Variants in SPPL3 observed in about 807,000 individuals in gnomAD.
SPPL3 encodes signal peptide peptidase like 3.
SPPL3 carries 5 observed loss-of-function variants against 42.4 expected under a neutral mutation model. That is an observed-to-expected ratio of 0.12 (90% CI 0.06 to 0.25). SPPL3 has a LOEUF of 0.25. Among genes scored for constraint, SPPL3 ranks in the 10% least tolerant of loss-of-function variants. SPPL3 has a pLI of 1.00. For synonymous variants in SPPL3, 195 were observed against 181.8 expected (o/e 1.07, Z -0.58); for missense variants, 235 against 489.0 (o/e 0.48, Z 4.90).
chr12:120,771,080 C>G (rs1592953895), intron 6 of SPPL3, among the ~76,000 whole-genome samples: 1 of 152,338 alleles, frequency 6.6e-6, no homozygotes, highest in Admixed American at 6.5e-5. Flanking sequence ...TGACCTCCTC[C>G]CTGGCCTCTC....
At chr12:120,795,191 T>C (rs1870057714) in intron 2 of SPPL3, among the ~76,000 whole-genome samples, 1 of 152,208 alleles carries the variant, frequency 6.6e-6, no homozygotes. Flanking sequence ...AATCAATCCT[T>C]CTGCTTCAAC....
At chr12:120,833,776 TGTGTGTGTGTGTG>T (rs1871517046) in intron 1 of SPPL3, among the ~76,000 whole-genome samples, 1 of 70,146 alleles carries the variant, frequency 1.4e-5, no homozygotes, top group Non-Finnish European at 4.2e-5. Flanking sequence ...AGTGTGTGTG[TGTGTGTGTGTGTG>T]TGTGTGTGTG....
chr12:120,828,792 T>A (rs1871304319), intron 1 of SPPL3, among the ~76,000 whole-genome samples: 1 of 152,254 alleles, frequency 6.6e-6, no homozygotes, highest in Non-Finnish European at 1.5e-5. Flanking sequence ...AGTCTTGCTC[T>A]GTTGCCTAGG....
At chr12:120,780,832 T>G (rs1002364962) in intron 6 of SPPL3, among the ~76,000 whole-genome samples, 2 of 150,926 alleles carry the variant, frequency 1.3e-5, no homozygotes, top group Non-Finnish European at 2.9e-5. Flanking sequence ...ATAGTTGGAA[T>G]CCGGGAGACG....
chr12:120,781,838 T>C (rs927158468), intron 6 of SPPL3, among the ~76,000 whole-genome samples: 1 of 152,116 alleles, frequency 6.6e-6, no homozygotes. Flanking sequence ...TCCGCCTGCC[T>C]CAGCCTCCCA....
rs560067435 is a variant in SPPL3, at chr12:120,764,831, G to C, written c.*168C>G. 1 of 696,868 alleles carries C rather than the reference G, an allele frequency of 1.4e-6. No individual in the cohort carries two copies. Among genetic ancestry groups the C allele is most frequent in the Admixed American group, 3.1e-5 (1 of 32,558 alleles). The allele number at this position is 696,868 out of a possible 1,614,324, so 43.2% of individuals were successfully genotyped here. The stretch of plus-strand genomic sequence containing the variant: ...AGAGAAGGAACCAAACAGGGCTCCA[G>C]CACCTCTCTCCTGCAAACGAGCTCC... On this transcript the variant is annotated 3_prime_UTR_variant, in exon 11 of 11. Transcript: ENST00000353487.
At position 120,768,373 on chromosome 12, in the gene SPPL3, C is replaced by T; in HGVS notation, c.725G>A (p.Gly242Glu). Reference sequence around the variant, plus strand: ...CAGAGACAGGCGAGGAACATCACGCCCAACATTGGGCCCCAGGTGGAGCTT... The same window carrying T: ...CAGAGACAGGCGAGGAACATCACGCTCAACATTGGGCCCCAGGTGGAGCTT... ...SRKLHLGPNV[G>E]RDVPRLSLPG... The change falls in exon 8 of 11, where the codon GGG becomes GAG. Residue 242 changes from glycine (G) to glutamate (E), a missense_variant. Coordinates refer to ENST00000353487, the MANE Select transcript of SPPL3 (RefSeq NM_139015.5). 1 of 1,614,078 alleles carries T rather than the reference C, an allele frequency of 6.2e-7. No individual in the cohort carries two copies. The highest frequency in any genetic ancestry group is 2.2e-5 in the East Asian group (1 of 44,878).
intron 2 of SPPL3, among the ~76,000 whole-genome samples, chr12:120,807,250 A>G (rs888918089): frequency 1.1e-4 from 16 of 152,210 alleles, no homozygotes; most frequent in Non-Finnish European, 2.2e-4. Flanking sequence ...TAGAATGGCT[A>G]TAATAAAAAG....
chr12:120,876,770 T>C (rs1873111665), intron 1 of SPPL3, among the ~76,000 whole-genome samples: 1 of 150,994 alleles, frequency 6.6e-6, no homozygotes, highest in South Asian at 2.1e-4. Context: ...AAGAAAGTTT[T>C]CAAATTAATG....
intron 1 of SPPL3, among the ~76,000 whole-genome samples, chr12:120,813,755 C>T (rs1479363497): frequency 6.6e-6 from 1 of 152,100 alleles, no homozygotes; most frequent in Non-Finnish European, 1.5e-5. Flanking sequence ...AAATCCAACT[C>T]AGAGTAACTC....
At chr12:120,848,587 C>T (rs2137032019) in intron 1 of SPPL3, among the ~76,000 whole-genome samples, 1 of 152,274 alleles carries the variant, frequency 6.6e-6, no homozygotes, top group South Asian at 2.1e-4. Context: ...TTTAGAATTG[C>T]TGTATTATTT....
chr12:120,849,578 G>C (rs1390479918), intron 1 of SPPL3, among the ~76,000 whole-genome samples: 2 of 152,156 alleles, frequency 1.3e-5, no homozygotes, highest in Admixed American at 6.5e-5. Context: ...CTAAAAAACA[G>C]ATCAATATAT....
At chr12:120,835,850 C>G (rs906224839) in intron 1 of SPPL3, among the ~76,000 whole-genome samples, 1 of 152,178 alleles carries the variant, frequency 6.6e-6, no homozygotes, top group African/African-American at 2.4e-5. Context: ...ACCACTTGTT[C>G]TGCAAATACC....
At chr12:120,768,702 C>T (rs572572841) in intron 7 of SPPL3, 2 of 652,742 alleles carry the variant, frequency 3.1e-6, no homozygotes, top group East Asian at 2.8e-5. Flanking sequence ...GGGTGGCCCC[C>T]ACTGCAGCGA....
chr12:120,889,047 C>T (rs529815677), intron 1 of SPPL3, among the ~76,000 whole-genome samples: 38 of 152,222 alleles, frequency 2.5e-4, no homozygotes, highest in Non-Finnish European at 4.6e-4. Flanking sequence ...CCCCTGACCT[C>T]GGGTGAACTG....
chr12:120,780,552 C>T (rs915293489), intron 6 of SPPL3, among the ~76,000 whole-genome samples: 1 of 148,548 alleles, frequency 6.7e-6, no homozygotes. Flanking sequence ...AGTTCAAGAC[C>T]AGCCTGGGCA....
At chr12:120,785,081 C>G (rs1423988527) in intron 3 of SPPL3, among the ~76,000 whole-genome samples, 1 of 152,016 alleles carries the variant, frequency 6.6e-6, no homozygotes, top group Non-Finnish European at 1.5e-5. Context: ...AGGAGGACAA[C>G]AAGTCATAGC....
chr12:120,773,270 A>T (rs986829395), intron 6 of SPPL3, among the ~76,000 whole-genome samples: 2 of 152,244 alleles, frequency 1.3e-5, no homozygotes, highest in Admixed American at 1.3e-4. Flanking sequence ...ACCAGGGAGC[A>T]GCTCATCTGG....
chr12:120,853,107 G>T (rs1872318269), intron 1 of SPPL3, among the ~76,000 whole-genome samples: 1 of 151,676 alleles, frequency 6.6e-6, no homozygotes, highest in South Asian at 2.1e-4. Context: ...GTGTTGGCCA[G>T]GCTGGTCTTG....
Sources: allele counts gnomAD v4.1 joint callset (sites outside exome capture counted in the v4.1 genomes callset), GRCh38; gene constraint gnomAD v4.1.1; transcripts MANE v1.5; gene names NCBI Gene and HGNC (gene_info 2026-07-23, HGNC 2026-07-21).